AOAH: variants seen among roughly 807,000 people sequenced by gnomAD.
AOAH encodes the protein acyloxyacyl hydrolase (neutrophil).
Under a neutral mutation model 92.2 loss-of-function variants are expected in AOAH, and 64 were observed. The observed-to-expected ratio is 0.69, with a 90% CI of 0.57 to 0.86. The LOEUF (loss-of-function observed/expected upper bound fraction) is 0.86. Among genes scored for constraint, AOAH ranks in the 40% least tolerant of loss-of-function variants. AOAH has a pLI of 0.00. For synonymous variants in AOAH, 263 were observed against 254.5 expected (o/e 1.03, Z -0.32); for missense variants, 656 against 694.6 (o/e 0.94, Z 0.62).
chr7:36,631,902 G>T, intron 6 of AOAH, 134 bp downstream of exon 6: 1 of 687,016 alleles, frequency 1.5e-6, no homozygotes, highest in Non-Finnish European at 2.5e-6. Context: ...TCTGTGCAAT[G>T]TTTTGAGAAA....
At chr7:36,659,644 C>T (rs1795089222) in intron 3 of AOAH, among the ~76,000 whole-genome samples, 2 of 152,144 alleles carry the variant, frequency 1.3e-5, no homozygotes, top group South Asian at 4.1e-4. Context: ...ACATGGTAAC[C>T]TTATAGTGAA....
intron 3 of AOAH, among the ~76,000 whole-genome samples, chr7:36,659,878 G>T (rs78487721): frequency 1.3e-5 from 2 of 150,320 alleles, no homozygotes; most frequent in African/African-American, 4.9e-5. Flanking sequence ...GAGCCAAGAA[G>T]TCTGGAGCAG....
chr7:36,579,451 A>G (rs1409153469), intron 12 of AOAH, among the ~76,000 whole-genome samples: 1 of 152,164 alleles, frequency 6.6e-6, no homozygotes, highest in Non-Finnish European at 1.5e-5. Flanking sequence ...TTATACAACA[A>G]TAACATAAAT....
intron 11 of AOAH, among the ~76,000 whole-genome samples, chr7:36,606,277 A>G (rs983477885): frequency 6.6e-6 from 1 of 152,170 alleles, no homozygotes; most frequent in African/African-American, 2.4e-5. Context: ...GTGGGTTAAT[A>G]AAGAGTAGCC....
chr7:36,524,675 C>T (rs944923587), intron 19 of AOAH, among the ~76,000 whole-genome samples: 6 of 151,388 alleles, frequency 4.0e-5, no homozygotes, highest in South Asian at 2.1e-4. Context: ...GACTCTGTCT[C>T]GACAATAAGT....
At chr7:36,662,483 G>C (rs1287132022) in intron 3 of AOAH, among the ~76,000 whole-genome samples, 1 of 152,176 alleles carries the variant, frequency 6.6e-6, no homozygotes, top group Admixed American at 6.5e-5. Context: ...TGTCTACCAG[G>C]GGTCAGTAAA....
Position 36,688,325 on chromosome 7 carries a change from T to A in AOAH, c.128-1531A>T, listed in dbSNP as rs145466463. On this transcript the variant is annotated intron_variant, in intron 1 of 20. Transcript: ENST00000617537. ...AAATACAGAACAGTATAAGAAAAGA[T>A]AATAAACATCACTCAACCCACCCAG... Among the ~76,000 whole-genome samples, 105 of 152,316 alleles carry A rather than the reference T, an allele frequency of 6.9e-4. 2 individuals are homozygous for A. The East Asian group carries it at 0.017, about 24-fold the overall frequency.
At chr7:36,621,879 G>A (rs1583966961) in intron 7 of AOAH, 99 bp from the exon 8 acceptor site, 1 of 995,428 alleles carries the variant, frequency 1.0e-6, no homozygotes, top group Non-Finnish European at 1.6e-6. Context: ...GACATCCACA[G>A]TTTTTAATTC....
chr7:36,527,382 C>G (rs930240633), intron 19 of AOAH, among the ~76,000 whole-genome samples: 2 of 152,204 alleles, frequency 1.3e-5, no homozygotes, highest in Non-Finnish European at 2.9e-5. Flanking sequence ...GAGAGATTTT[C>G]ATGGGACTAT....
At chr7:36,526,630 T>C (rs1408725823) in intron 19 of AOAH, among the ~76,000 whole-genome samples, 1 of 152,226 alleles carries the variant, frequency 6.6e-6, no homozygotes, top group African/African-American at 2.4e-5. Flanking sequence ...CTGGATTAAG[T>C]TTCTTGAATG....
chr7:36,576,926 C>A (rs1175631433), intron 12 of AOAH, among the ~76,000 whole-genome samples: 1 of 152,090 alleles, frequency 6.6e-6, no homozygotes, highest in African/African-American at 2.4e-5. Context: ...CCAGAGTCAT[C>A]CCTTTCAAAT....
intron 1 of AOAH, among the ~76,000 whole-genome samples, chr7:36,712,177 C>T (rs1243335023): frequency 1.3e-5 from 2 of 152,200 alleles, no homozygotes; most frequent in African/African-American, 4.8e-5. Flanking sequence ...GTCAGTGACA[C>T]TGTTATTTTA....
chr7:36,546,316 T>A (rs1785797005), intron 15 of AOAH, among the ~76,000 whole-genome samples: 1 of 152,246 alleles, frequency 6.6e-6, no homozygotes, highest in African/African-American at 2.4e-5. Context: ...CTGCTTGAGC[T>A]TTTTATAAAA....
At chr7:36,605,336 C>A (rs951046944) in intron 11 of AOAH, among the ~76,000 whole-genome samples, 1 of 152,166 alleles carries the variant, frequency 6.6e-6, no homozygotes, top group Non-Finnish European at 1.5e-5. Flanking sequence ...TTCCACATGC[C>A]AATGAACTTG....
At chr7:36,696,671 C>T (rs900266543) in intron 1 of AOAH, among the ~76,000 whole-genome samples, 1 of 151,930 alleles carries the variant, frequency 6.6e-6, no homozygotes, top group African/African-American at 2.4e-5. Context: ...ACCAGCCTGG[C>T]TAACATGGTG....
chr7:36,591,985 A>C (rs143250265), intron 12 of AOAH, among the ~76,000 whole-genome samples: 52 of 152,310 alleles, frequency 3.4e-4, no homozygotes, highest in Non-Finnish European at 6.0e-4. Flanking sequence ...TTAATTTTAA[A>C]TATCGGATCG....
chr7:36,714,108 G>T (rs1798966345), intron 1 of AOAH, among the ~76,000 whole-genome samples: 1 of 151,332 alleles, frequency 6.6e-6, no homozygotes, highest in African/African-American at 2.4e-5. Flanking sequence ...AAAGAGAGAA[G>T]AATCTAATAG....
At chr7:36,517,227 TCTCTCTC>T (rs1783821751) in intron 20 of AOAH, among the ~76,000 whole-genome samples, 2 of 27,732 alleles carry the variant, frequency 7.2e-5, no homozygotes, top group South Asian at 1.4e-3. Flanking sequence ...TTTCTTTCTG[TCTCTCTC>T]TCTCTCTCTC....
chr7:36,568,209 ATTTAAG>A (rs1341610987), intron 13 of AOAH, among the ~76,000 whole-genome samples: 1 of 152,168 alleles, frequency 6.6e-6, no homozygotes, highest in Non-Finnish European at 1.5e-5. Context: ...TGTTATGCAG[ATTTAAG>A]TTTAAGAGTA....
Sources: allele counts gnomAD v4.1 joint callset (sites outside exome capture counted in the v4.1 genomes callset), GRCh38; gene constraint gnomAD v4.1.1; transcripts MANE v1.5; gene names NCBI Gene and HGNC (gene_info 2026-07-23, HGNC 2026-07-21).